Variants in CCDC7 observed in about 807,000 individuals in gnomAD.
The protein encoded by CCDC7 is coiled-coil domain-containing protein 7.
CCDC7 carries 183 observed loss-of-function variants against 196.9 expected under a neutral mutation model. The observed-to-expected ratio is 0.93, with a 90% CI of 0.82 to 1.05. The LOEUF is 1.05. Among genes scored for constraint, CCDC7 ranks in the 50% least tolerant of loss-of-function variants. The pLI is 0.00. For missense variants in CCDC7, 1,540 were observed against 1,482.2 expected (o/e 1.04, Z -0.64); for synonymous variants, 525 against 484.6 (o/e 1.08, Z -1.10).
intron 25 of CCDC7, among the ~76,000 whole-genome samples, chr10:32,714,632 A>G (rs552386366): frequency 1.3e-5 from 2 of 152,252 alleles, no homozygotes; most frequent in Non-Finnish European, 2.9e-5. Flanking sequence ...ACAGAGCCCA[A>G]CTGAGATCCA....
intron 29 of CCDC7, among the ~76,000 whole-genome samples, chr10:32,792,980 A>G (rs1375540892): frequency 6.6e-6 from 1 of 152,220 alleles, no homozygotes; most frequent in African/African-American, 2.4e-5. Flanking sequence ...TGATAATAGT[A>G]AGTTCTTACC....
intron 9 of CCDC7, among the ~76,000 whole-genome samples, chr10:32,507,309 T>C (rs1192168377): frequency 1.3e-5 from 2 of 151,748 alleles, no homozygotes; most frequent in Non-Finnish European, 2.9e-5. Flanking sequence ...CTTAAAGTTT[T>C]TGTGAGTCTC....
Position 32,472,450 on chromosome 10 carries a change from A to G in CCDC7, c.678-31A>G, listed in dbSNP as rs776128294. 8 of 1,543,288 alleles carry G rather than the reference A, an allele frequency of 5.2e-6. No homozygotes were observed. The South Asian group carries it at 9.2e-5, about 18-fold the overall frequency. On this transcript the variant is annotated intron_variant, in intron 6 of 41. Coordinates refer to ENST00000639629, the Ensembl canonical transcript of CCDC7. The stretch of plus-strand genomic sequence containing the variant: ...TTAAACTCTTACTCTTTGATATATT[A>G]AAAAATATTTCATTTATCGAACTTT...
chr10:32,709,776 C>T lies in CCDC7; in HGVS notation c.2459-1844C>T, dbSNP rs568657074. 2.0e-5 allele frequency among the ~76,000 whole-genome samples: 3 copies of T among 152,178 alleles called. No homozygotes were observed. In the South Asian group the frequency reaches 6.2e-4, roughly 32 times the overall value. On this transcript the variant is annotated intron_variant, in intron 24 of 41. Coordinates refer to ENST00000639629, the Ensembl canonical transcript of CCDC7. ...TTATTTCACTGACCAATTTGCCTGA[C>T]CTTAGAGGAGGATTAATTTTAATTT...
intron 8 of CCDC7, among the ~76,000 whole-genome samples, chr10:32,477,790 T>G (rs1588976085): frequency 6.6e-6 from 1 of 152,328 alleles, no homozygotes; most frequent in East Asian, 1.9e-4. Flanking sequence ...CCTCCAACTT[T>G]GTTGTTCTTC....
chr10:32,535,338 A>G (rs556278712), intron 11 of CCDC7, among the ~76,000 whole-genome samples: 29 of 152,228 alleles, frequency 1.9e-4, no homozygotes, highest in Admixed American at 6.5e-4. Context: ...ATTTTTAAAA[A>G]TATTTAAAGA....
chr10:32,561,640 C>T (rs1352608701), intron 13 of CCDC7, among the ~76,000 whole-genome samples: 1 of 152,196 alleles, frequency 6.6e-6, no homozygotes, highest in African/African-American at 2.4e-5. Flanking sequence ...CTCTGGGACA[C>T]ATTCAACGCA....
chr10:32,525,439 A>T (rs78657622), intron 11 of CCDC7, among the ~76,000 whole-genome samples: 2 of 152,160 alleles, frequency 1.3e-5, no homozygotes, highest in Non-Finnish European at 2.9e-5. Flanking sequence ...ATCTGATAGA[A>T]TTCTGAATTC....
chr10:32,776,314 G>A (rs559113920), intron 28 of CCDC7, among the ~76,000 whole-genome samples: 6 of 151,986 alleles, frequency 3.9e-5, no homozygotes, highest in African/African-American at 1.4e-4. Context: ...GCTTCTTTGG[G>A]GAATTTAGAA....
At chr10:32,643,774 A>G (rs1042683470) in intron 20 of CCDC7, among the ~76,000 whole-genome samples, 4 of 151,900 alleles carry the variant, frequency 2.6e-5, no homozygotes, top group Non-Finnish European at 4.4e-5. Flanking sequence ...TGCAGTAGAA[A>G]CACTTTCATG....
rs188245707 is a variant in CCDC7, at chr10:32,762,091, T to C, written c.2906-16886T>C. The stretch of plus-strand genomic sequence containing the variant: ...AAACTGCATCCTAAGCACAGTGTCA[T>C]ACAATTGGGAAATAATCCACAACTG... On this transcript the variant is annotated intron_variant, in intron 28 of 41. Coordinates refer to ENST00000639629, the Ensembl canonical transcript of CCDC7. Among the ~76,000 whole-genome samples the C allele has an allele frequency of 4.4e-4, 67 of 152,128 alleles. No individual in the cohort carries two copies. The Middle Eastern group carries it at 0.014, about 31-fold the overall frequency.
intron 16 of CCDC7, among the ~76,000 whole-genome samples, chr10:32,577,822 T>C (rs368133293): frequency 1.6e-4 from 24 of 152,266 alleles, no homozygotes; most frequent in African/African-American, 5.3e-4. Context: ...TACCACCTTA[T>C]CAGATTTTGG....
intron 8 of CCDC7, among the ~76,000 whole-genome samples, chr10:32,478,605 A>G (rs1417930240): frequency 6.6e-6 from 1 of 152,122 alleles, no homozygotes; most frequent in Non-Finnish European, 1.5e-5. Context: ...TGTAGATTAC[A>G]TTAATTGATT....
At chr10:32,852,267 A>T (rs907474143) in intron 40 of CCDC7, among the ~76,000 whole-genome samples, 11 of 152,142 alleles carry the variant, frequency 7.2e-5, no homozygotes, top group African/African-American at 2.7e-4. Flanking sequence ...CTTTTATGCA[A>T]CCCCAGGGAG....
At chr10:32,740,789 T>A (rs2085697655) in intron 28 of CCDC7, among the ~76,000 whole-genome samples, 2 of 152,094 alleles carry the variant, frequency 1.3e-5, no homozygotes, top group Non-Finnish European at 2.9e-5. Context: ...TTGTGTTTTC[T>A]ATTTTTTCCT....
At chr10:32,615,858 A>G (rs2138943317) in intron 18 of CCDC7, among the ~76,000 whole-genome samples, 1 of 152,124 alleles carries the variant, frequency 6.6e-6, no homozygotes, top group Non-Finnish European at 1.5e-5. Flanking sequence ...TATGGTGAGA[A>G]TTATGGGTCC....
intron 28 of CCDC7, among the ~76,000 whole-genome samples, chr10:32,741,038 A>G (rs1285579793): frequency 1.3e-5 from 2 of 152,092 alleles, no homozygotes; most frequent in Non-Finnish European, 1.5e-5. Context: ...ATTTTATACT[A>G]TATAATCTTA....
intron 28 of CCDC7, 117 bp from the exon 30 acceptor site, chr10:32,778,860 G>T: frequency 1.4e-6 from 1 of 690,438 alleles, no homozygotes. Context: ...CTTTTGCAGT[G>T]TTTTTGCAGT....
chr10:32,851,959 G>A (rs755194832), intron 40 of CCDC7, 27 bp downstream of exon 41: 4 of 1,559,716 alleles, frequency 2.6e-6, no homozygotes, highest in East Asian at 4.6e-5. Context: ...TTAGTGTACA[G>A]TGTGATTTTT....
Sources: gnomAD v4.1 joint callset for allele counts (sites outside exome capture counted in the v4.1 genomes callset) on GRCh38, gnomAD v4.1.1 for gene constraint, MANE v1.5 for transcripts, NCBI Gene and HGNC (gene_info 2026-07-23, HGNC 2026-07-21) for gene names.